Variants in KLHL6 observed in about 807,000 individuals in gnomAD.
KLHL6 encodes kelch like family member 6.
KLHL6 carries 41 observed loss-of-function variants against 58.6 expected under a neutral mutation model. The ratio of observed to expected loss-of-function variants is 0.70; its 90% CI spans 0.55 to 0.91. The LOEUF (loss-of-function observed/expected upper bound fraction) is 0.91, where lower values mean the gene tolerates loss of function less well. Ranked by LOEUF, KLHL6 falls within the 40% of genes least tolerant of loss-of-function variation. The probability of loss-of-function intolerance (pLI) is 0.00; values close to 1 mark genes in which losing one functional copy is unlikely to be tolerated. For synonymous variants in KLHL6, 338 were observed against 322.7 expected, an observed-to-expected ratio of 1.05 and a Z score of -0.51; for missense variants, 714 against 805.6, an observed-to-expected ratio of 0.89 and a Z score of 1.38.
intron 1 of KLHL6, among the ~76,000 whole-genome samples, chr3:183,535,058 C>T (rs1408893375): frequency 1.3e-5 from 2 of 151,700 alleles, no homozygotes; most frequent in Admixed American, 6.6e-5. Context: ...GATTCTCCTG[C>T]CTCAGCCTCT....
chr3:183,494,764 A>G (rs1414812345), intron 4 of KLHL6, among the ~76,000 whole-genome samples: 1 of 152,226 alleles, frequency 6.6e-6, no homozygotes, highest in African/African-American at 2.4e-5. Flanking sequence ...ACCTGGAAAA[A>G]TCACTAAGAA....
At chr3:183,514,725 G>A (rs1391640418) in intron 2 of KLHL6, among the ~76,000 whole-genome samples, 3 of 151,448 alleles carry the variant, frequency 2.0e-5, no homozygotes, top group Middle Eastern at 3.2e-3. Context: ...CTGGAGTACA[G>A]TGGCACGATC....
chr3:183,517,660 C>T (rs1034283455), intron 2 of KLHL6, among the ~76,000 whole-genome samples: 10 of 152,200 alleles, frequency 6.6e-5, no homozygotes. Context: ...TGTGTTCAAT[C>T]AGCAAACAGC....
In KLHL6 at chr3:183,492,212, C is replaced by T. The variant is rs199528524; in HGVS notation, c.1581G>A (p.Ala527=). ...CTTCCAGCGGGCTGTAGGCGTACAG[C>T]GCTCTCATGGCCCCACCTGAGGAGA... The part of the protein sequence containing the change: ...RIYVVGGAMR[A]LYAYSPLEDS... The change falls in exon 7 of 7, where the codon GCG becomes GCA. Residue 527 remains alanine, a synonymous_variant. Transcript: ENST00000341319. This position sits in a 1 kb window ranked among gnomAD's most constrained non-coding sequence, Gnocchi z 5.9. 3.7e-6 allele frequency: 6 copies of T among 1,604,158 alleles called. No individual in the cohort carries two copies. The highest frequency in any genetic ancestry group is 4.5e-5 in the East Asian group (2 of 44,690).
intron 1 of KLHL6, among the ~76,000 whole-genome samples, 194 bp downstream of exon 1, chr3:183,555,167 A>AAAAT (rs1304380544): frequency 9.2e-5 from 14 of 152,276 alleles, no homozygotes; most frequent in Admixed American, 2.0e-4. Context: ...CTCCGTCTCA[A>AAAAT]AAATAAATAA....
At chr3:183,519,399 C>T (rs560515230) in intron 2 of KLHL6, among the ~76,000 whole-genome samples, 1 of 152,260 alleles carries the variant, frequency 6.6e-6, no homozygotes, top group East Asian at 1.9e-4. Context: ...CCACATGGAC[C>T]AATAATGCAA....
rs150524034 is a variant in KLHL6 at position 183,550,673 on chromosome 3, G to A, written c.293+4688C>T. Among the ~76,000 whole-genome samples the A allele has an allele frequency of 6.6e-3, 1,004 of 152,096 alleles. 4 individuals carry two copies. Among genetic ancestry groups the A allele is most frequent in the African/African-American group, 0.023 (965 of 41,488 alleles). On this transcript the variant is annotated intron_variant, in intron 1 of 6. Transcript: ENST00000341319. ...TTAGCCGGGCATGGTGGTACATCCT[G>A]TGGTCCCAGCTACTTGGGGGGCTGA...
At chr3:183,525,182 T>C (rs1354946569) in intron 2 of KLHL6, among the ~76,000 whole-genome samples, 2 of 151,768 alleles carry the variant, frequency 1.3e-5, no homozygotes, top group East Asian at 3.9e-4. Context: ...GAGAATCACT[T>C]GAACCCGGGA....
Position 183,494,213 on chromosome 3 carries a change from A to G in KLHL6, c.1216T>C (p.Tyr406His). 1 of 1,614,024 alleles carries G rather than the reference A, an allele frequency of 6.2e-7. No individual in the cohort carries two copies. The highest frequency in any genetic ancestry group is 1.6e-4 in the Middle Eastern group (1 of 6,062). The change falls in exon 5 of 7, where the codon TAT (tyrosine) becomes CAT (histidine). Residue 406 changes from tyrosine (Y) to histidine (H), a missense_variant. This residue lies in a region of KLHL6 where 510 missense variants were observed against 629.7 expected (regional missense o/e 0.81). Coordinates refer to ENST00000341319, the MANE Select transcript of KLHL6 (RefSeq NM_130446.4). The part of the protein sequence containing the change: ...SSINKWIQIE[Y>H]LNIGRWRHKM... ...TGCCTCCAGCGGCCTATGTTTAAAT[A>G]CTCAATCTGAATCCACTTGTTGATC...
intron 1 of KLHL6, among the ~76,000 whole-genome samples, chr3:183,528,663 C>T (rs563307980): frequency 1.4e-4 from 22 of 152,288 alleles, no homozygotes; most frequent in African/African-American, 3.9e-4. Context: ...TAGGTTTTAT[C>T]GTAGCATTGG....
At chr3:183,544,126 G>T (rs527630808) in intron 1 of KLHL6, among the ~76,000 whole-genome samples, 6 of 131,354 alleles carry the variant, frequency 4.6e-5, no homozygotes, top group Non-Finnish European at 7.6e-5. Flanking sequence ...TCAGGCCATC[G>T]CACTCCAGCC....
At chr3:183,514,576 C>T (rs1711510977) in intron 2 of KLHL6, among the ~76,000 whole-genome samples, 1 of 152,036 alleles carries the variant, frequency 6.6e-6, no homozygotes, top group Non-Finnish European at 1.5e-5. Context: ...GAGAAATCCC[C>T]CTGTAAGTTT....
At chr3:183,514,140 C>T (rs569486762) in intron 2 of KLHL6, among the ~76,000 whole-genome samples, 15 of 152,326 alleles carry the variant, frequency 9.8e-5, no homozygotes, top group Non-Finnish European at 1.2e-4. Context: ...AGAGACAAAG[C>T]GCCTGCGCTC....
Position 183,516,831 on chromosome 3 carries a change from G to A in KLHL6, c.460-8323C>T, listed in dbSNP as rs544499496. Among the ~76,000 whole-genome samples the A allele has an allele frequency of 2.5e-4, 38 of 152,346 alleles. 1 individual carries two copies. Among genetic ancestry groups the A allele is most frequent in the South Asian group, 1.0e-3 (5 of 4,828 alleles). On this transcript the variant is annotated intron_variant, in intron 2 of 6. Coordinates refer to ENST00000341319, the MANE Select transcript of KLHL6 (RefSeq NM_130446.4). ...CATTGATATTCTTACCTTCAGCTCCGACAAATCAGCATGTGTGAAGGTGTG... is the reference window on the plus strand; with the variant it reads ...CATTGATATTCTTACCTTCAGCTCCAACAAATCAGCATGTGTGAAGGTGTG...
At chr3:183,555,232 A>G (rs1713066658) in intron 1 of KLHL6, 129 bp downstream of exon 1, 1 of 602,730 alleles carries the variant, frequency 1.7e-6, no homozygotes, top group East Asian at 2.9e-5. Flanking sequence ...TTTTAAGTAG[A>G]CACACAAGCC....
Position 183,488,755 on chromosome 3 carries a change from G to A in KLHL6, c.*3172C>T, listed in dbSNP as rs1213194116. On this transcript the variant is annotated 3_prime_UTR_variant, in exon 7 of 7. Transcript: ENST00000341319. ...AGTTCTCATCCTTGGCTGGTGCCTAGAAGCTAAAACCCTGATGACTATTCT... is the reference window on the plus strand; with the variant it reads ...AGTTCTCATCCTTGGCTGGTGCCTAAAAGCTAAAACCCTGATGACTATTCT... 4 of 152,344 alleles carry A rather than the reference G, an allele frequency of 2.6e-5. No individual in the cohort carries two copies. In the East Asian group the frequency reaches 7.7e-4, roughly 29 times the overall value. 9.4% of individuals were successfully genotyped at this position (152,344 alleles called of 1,614,324 possible). A position where few individuals can be genotyped will look rare whatever the true frequency, so the allele number is the denominator to read the frequency against.
chr3:183,522,203 G>A (rs1424079022), intron 2 of KLHL6: 1 of 152,092 alleles, frequency 6.6e-6, no homozygotes, highest in Non-Finnish European at 1.5e-5. Context: ...GCACATTCCT[G>A]TAATCCCAGC....
chr3:183,508,162 C>T lies in KLHL6; in HGVS notation c.806G>A (p.Trp269Ter). The T allele has an allele frequency of 6.2e-7, 1 of 1,614,154 alleles. No individual in the cohort carries two copies. Among genetic ancestry groups the T allele is most frequent in the Non-Finnish European group, 8.5e-7 (1 of 1,180,032 alleles). Residue 269 changes from tryptophan to a stop codon, truncating the protein, a stop_gained, in exon 3 of 7, where the codon TGG (tryptophan) becomes TAG (stop). Transcript: ENST00000341319. LOFTEE classifies it high-confidence loss of function. ...ENVRLPLLDPWYFVETVEADP... is the reference protein window; with the variant it reads ...ENVRLPLLDP ...TGCTTCCACCGTCTCCACAAAGTAC[C>T]ACGGGTCCAGAAGCGGTAAGCGCAC... is the stretch of plus-strand genomic sequence containing the variant.
intron 2 of KLHL6, among the ~76,000 whole-genome samples, chr3:183,515,916 TAA>T (rs1711545352): frequency 3.9e-5 from 6 of 152,334 alleles, no homozygotes; most frequent in Admixed American, 3.9e-4. Flanking sequence ...ACTTAACAAA[TAA>T]ATTTTATTTT....
Sources: gnomAD v4.1 joint callset for allele counts (sites outside exome capture counted in the v4.1 genomes callset) on GRCh38, gnomAD v4.1.1 for gene constraint, gnomAD v4.1.1 regional missense constraint, Gnocchi (gnomAD v3.1) non-coding constraint, MANE v1.5 for transcripts, NCBI Gene and HGNC (gene_info 2026-07-23, HGNC 2026-07-21) for gene names.